CAST: variants seen among roughly 807,000 people sequenced by gnomAD.
The protein encoded by CAST is calpastatin.
CAST carries 76 observed loss-of-function variants against 119.6 expected under a neutral mutation model. The ratio of observed to expected loss-of-function variants is 0.64; its 90% CI spans 0.53 to 0.77. The LOEUF (loss-of-function observed/expected upper bound fraction) is 0.77, where lower values mean the gene tolerates loss of function less well. CAST is among the 30% of genes least tolerant of loss of function. The probability of loss-of-function intolerance (pLI) is 0.00; values close to 1 mark genes in which losing one functional copy is unlikely to be tolerated. For missense variants in CAST, 953 were observed against 946.5 expected (o/e 1.01, Z -0.09); for synonymous variants, 319 against 331.6 (o/e 0.96, Z 0.41).
At chr5:96,170,109 G>C in the CAST span, among the ~76,000 whole-genome samples, 16 of 152,314 alleles carry the variant, frequency 1.1e-4, no homozygotes, top group East Asian at 2.9e-3. Context: ...TGGCGTCCGT[G>C]ATGGTCTAGG....
At chr5:96,392,402 C>T in the CAST span, 2 of 153,366 alleles carry the variant, frequency 1.3e-5, no homozygotes, top group African/African-American at 4.8e-5. Flanking sequence ...ATTCAGATTT[C>T]AAGATCTGTT....
the CAST span, among the ~76,000 whole-genome samples, chr5:96,361,835 C>CT: frequency 0.015 from 965 of 65,452 alleles, 9 homozygotes; most frequent in African/African-American, 0.048. Context: ...TGCTTCTTTT[C>CT]TTTTTTTTTT....
the CAST span, among the ~76,000 whole-genome samples, chr5:96,411,185 T>C: frequency 6.6e-6 from 1 of 152,262 alleles, no homozygotes; most frequent in African/African-American, 2.4e-5. Context: ...ACTCTGGCCC[T>C]GCCAGTCTCT....
At chr5:95,968,166 G>T in the CAST span, among the ~76,000 whole-genome samples, 1 of 152,066 alleles carries the variant, frequency 6.6e-6, no homozygotes, top group Non-Finnish European at 1.5e-5. Context: ...TTGGGGGCTG[G>T]TTTTTTTGTT....
At chr5:96,098,171 G>A in the CAST span, among the ~76,000 whole-genome samples, 8 of 151,812 alleles carry the variant, frequency 5.3e-5, no homozygotes, top group African/African-American at 1.9e-4. Context: ...TTTTTAATGG[G>A]GTTTGTTTTT....
the CAST span, among the ~76,000 whole-genome samples, chr5:96,319,266 C>A: frequency 3.8e-4 from 58 of 152,276 alleles, no homozygotes; most frequent in African/African-American, 1.3e-3. Flanking sequence ...CCTCCGTGAC[C>A]AAAACACCTC....
chr5:95,979,354 C>G, the CAST span, among the ~76,000 whole-genome samples: 1 of 152,096 alleles, frequency 6.6e-6, no homozygotes. Flanking sequence ...CCTTCCTAGA[C>G]AAAATAACTT....
the CAST span, among the ~76,000 whole-genome samples, chr5:96,512,989 A>ATGAC: frequency 6.6e-6 from 1 of 152,210 alleles, no homozygotes; most frequent in Admixed American, 6.5e-5. Context: ...TCCAAGCACT[A>ATGAC]TGACTACATG....
At chr5:96,686,465 G>A (rs1402727137) in intron 2 of CAST, among the ~76,000 whole-genome samples, 1 of 152,168 alleles carries the variant, frequency 6.6e-6, no homozygotes, top group Non-Finnish European at 1.5e-5. Context: ...GGTGCTCCCT[G>A]TCATCAGTGT....
chr5:96,079,181 A>T, the CAST span: 1 of 471,608 alleles, frequency 2.1e-6, no homozygotes, highest in East Asian at 6.9e-5. Flanking sequence ...TACTGCAGGG[A>T]TCTTAGCAGT....
At chr5:96,676,976 C>T (rs1400560604) in intron 2 of CAST, among the ~76,000 whole-genome samples, 1 of 151,410 alleles carries the variant, frequency 6.6e-6, no homozygotes, top group Non-Finnish European at 1.5e-5. Flanking sequence ...ATCGCGTGAA[C>T]CTGGGAGGCA....
chr5:96,007,513 A>T, the CAST span, among the ~76,000 whole-genome samples: 1 of 152,174 alleles, frequency 6.6e-6, no homozygotes, highest in Non-Finnish European at 1.5e-5. Context: ...CTCCAATGTG[A>T]TGGTATCTAG....
At chr5:95,979,212 C>G in the CAST span, among the ~76,000 whole-genome samples, 1 of 152,034 alleles carries the variant, frequency 6.6e-6, no homozygotes, top group Admixed American at 6.6e-5. Flanking sequence ...CTAAAACAAC[C>G]ATTACTAAGA....
the CAST span, chr5:96,400,210 G>A: frequency 6.5e-7 from 1 of 1,528,760 alleles, no homozygotes; most frequent in East Asian, 2.2e-5. Flanking sequence ...GACCCAAAGT[G>A]TCTTTCAGAG....
chr5:96,223,920 A>G, the CAST span, among the ~76,000 whole-genome samples: 1 of 152,238 alleles, frequency 6.6e-6, no homozygotes, highest in Non-Finnish European at 1.5e-5. Flanking sequence ...TAACAACAAA[A>G]TATGACCATG....
chr5:96,641,184 G>A (rs573885715), intron 1 of CAST, among the ~76,000 whole-genome samples: 3 of 152,168 alleles, frequency 2.0e-5, no homozygotes, highest in South Asian at 4.1e-4. Context: ...TAGAGATATA[G>A]AAACGACTTT....
At chr5:96,064,005 T>C in the CAST span, among the ~76,000 whole-genome samples, 1 of 152,150 alleles carries the variant, frequency 6.6e-6, no homozygotes, top group Non-Finnish European at 1.5e-5. Context: ...CATTCCTCAG[T>C]TTACCTGTGG....
intron 1 of CAST, among the ~76,000 whole-genome samples, chr5:96,590,657 T>C (rs1746946306): frequency 6.6e-6 from 1 of 152,028 alleles, no homozygotes; most frequent in South Asian, 2.1e-4. Context: ...TAAATAGAAG[T>C]AGGAAGTCAA....
At chr5:96,534,818 AAG>A (rs760232003) in intron 1 of CAST, among the ~76,000 whole-genome samples, 1 of 146,856 alleles carries the variant, frequency 6.8e-6, no homozygotes, top group Non-Finnish European at 1.5e-5. Flanking sequence ...GAAAGAAAGA[AAG>A]AAAAGAAAGA....
Sources: allele counts gnomAD v4.1 joint callset (sites outside exome capture counted in the v4.1 genomes callset), GRCh38; gene constraint gnomAD v4.1.1; transcripts MANE v1.5; gene names NCBI Gene and HGNC (gene_info 2026-07-23, HGNC 2026-07-21).